The following EXOC4 variants were observed in gnomAD, a reference collection of about 807,000 sequenced individuals.
The protein encoded by EXOC4 is exocyst complex component 4.
A neutral mutation model predicts 107.2 loss-of-function variants in EXOC4; 71 were observed. The observed-to-expected ratio is 0.66, with a 90% CI of 0.55 to 0.81. The LOEUF (loss-of-function observed/expected upper bound fraction) is 0.81, where lower values mean the gene tolerates loss of function less well. Ranked by LOEUF, EXOC4 falls within the 30% of genes least tolerant of loss-of-function variation. The probability of loss-of-function intolerance (pLI) is 0.00; values close to 1 mark genes in which losing one functional copy is unlikely to be tolerated. For missense variants in EXOC4, 1,108 were observed against 1,189.6 expected, an observed-to-expected ratio of 0.93 and a Z score of 1.01; for synonymous variants, 456 against 441.2, an observed-to-expected ratio of 1.03 and a Z score of -0.42.
rs1186226758 is a variant in EXOC4, at chr7:133,564,339, G to A, written c.1418-65706G>A. Among the ~76,000 whole-genome samples the A allele has an allele frequency of 1.3e-5, 2 of 151,994 alleles. 1 individual carries two copies. Among genetic ancestry groups the A allele is most frequent in the South Asian group, 4.1e-4 (2 of 4,822 alleles). ...ACTTTCAAACAACCAAATCTCATGA[G>A]AACTCACTCACTATCATGAGAACAG... On this transcript the variant is annotated intron_variant, in intron 9 of 17. Coordinates refer to ENST00000253861, the MANE Select transcript of EXOC4 (RefSeq NM_021807.4).
chr7:133,909,514 A>T lies in EXOC4; in HGVS notation c.1872-8069A>T, dbSNP rs576532581. Among the ~76,000 whole-genome samples, 60 of 152,278 alleles carry T rather than the reference A, an allele frequency of 3.9e-4. No homozygotes were observed. The South Asian group carries it at 0.011, about 28-fold the overall frequency. Reference sequence around the variant, plus strand: ...AGAAAGGAGCAAGTCCGAAGATGGGAACTAGCTTGAATTCAGGTTAATGAG... The same window carrying T: ...AGAAAGGAGCAAGTCCGAAGATGGGTACTAGCTTGAATTCAGGTTAATGAG... On this transcript the variant is annotated intron_variant, in intron 12 of 17. Coordinates refer to ENST00000253861, the MANE Select transcript of EXOC4 (RefSeq NM_021807.4).
chr7:133,724,741 T>TA (rs1244267074), intron 10 of EXOC4, among the ~76,000 whole-genome samples: 1 of 152,076 alleles, frequency 6.6e-6, no homozygotes, highest in Non-Finnish European at 1.5e-5. Flanking sequence ...CCAAAAGAAA[T>TA]ATGGGAACGG....
intron 7 of EXOC4, among the ~76,000 whole-genome samples, chr7:133,411,522 A>ACATTTC (rs1797356006): frequency 6.6e-6 from 1 of 152,164 alleles, no homozygotes; most frequent in Non-Finnish European, 1.5e-5. Context: ...CGTTGAAAAG[A>ACATTTC]CATTTCCATT....
At chr7:134,053,248 AAAAAG>A (rs58702704) in intron 17 of EXOC4, among the ~76,000 whole-genome samples, 2,912 of 152,046 alleles carry the variant, frequency 0.019, 78 homozygotes, top group African/African-American at 0.06. Flanking sequence ...AAAAAAAAAA[AAAAAG>A]AAGAAGAATT....
chr7:133,577,692 C>T (rs1040817655), intron 9 of EXOC4, among the ~76,000 whole-genome samples: 3 of 152,062 alleles, frequency 2.0e-5, no homozygotes, highest in Non-Finnish European at 4.4e-5. Context: ...TCTAATTTAG[C>T]AATTATGATC....
chr7:134,039,135 G>T (rs1795456736), intron 17 of EXOC4, among the ~76,000 whole-genome samples: 1 of 152,118 alleles, frequency 6.6e-6, no homozygotes, highest in Non-Finnish European at 1.5e-5. Context: ...GTGAAAGATT[G>T]CTATATGAGG....
chr7:133,908,755 G>A (rs1482093871), intron 12 of EXOC4, among the ~76,000 whole-genome samples: 1 of 152,168 alleles, frequency 6.6e-6, no homozygotes, highest in Non-Finnish European at 1.5e-5. Context: ...GCTGCAATTG[G>A]TGTTTTGTAT....
intron 7 of EXOC4, among the ~76,000 whole-genome samples, chr7:133,399,271 A>G (rs1797037004): frequency 1.3e-5 from 2 of 152,174 alleles, no homozygotes; most frequent in South Asian, 2.1e-4. Context: ...CAGATTATAT[A>G]TATATCTTTG....
chr7:133,365,659 T>C (rs1796234722), intron 6 of EXOC4, among the ~76,000 whole-genome samples: 1 of 152,202 alleles, frequency 6.6e-6, no homozygotes, highest in African/African-American at 2.4e-5. Context: ...CCTTTTTACA[T>C]GAAGACTTAT....
intron 13 of EXOC4, among the ~76,000 whole-genome samples, chr7:133,919,090 A>G (rs1799877285): frequency 6.6e-6 from 1 of 152,154 alleles, no homozygotes; most frequent in South Asian, 2.1e-4. Context: ...TGATTCTTGA[A>G]AGTGCATGTG....
intron 17 of EXOC4, among the ~76,000 whole-genome samples, chr7:134,038,139 C>T (rs1287231313): frequency 1.3e-5 from 2 of 152,180 alleles, no homozygotes; most frequent in East Asian, 3.9e-4. Flanking sequence ...TAAGGAGTCG[C>T]AGTATCGATT....
chr7:133,294,453 G>T (rs374271876), intron 3 of EXOC4, among the ~76,000 whole-genome samples: 2 of 152,080 alleles, frequency 1.3e-5, no homozygotes, highest in South Asian at 4.1e-4. Flanking sequence ...CAGTCACAAG[G>T]CTTGTGACTA....
Position 133,802,177 on chromosome 7 carries a change from A to G in EXOC4, c.1515-15148A>G, listed in dbSNP as rs191553021. Among the ~76,000 whole-genome samples, 1,306 of 152,320 alleles carry G rather than the reference A, an allele frequency of 8.6e-3. 62 individuals are homozygous for G. Among genetic ancestry groups the G allele is most frequent in the Admixed American group, 0.079 (1,203 of 15,294 alleles). On this transcript the variant is annotated intron_variant, in intron 10 of 17. Coordinates refer to ENST00000253861, the MANE Select transcript of EXOC4 (RefSeq NM_021807.4). ...ATTAGGAACCAGATCTGGCTTCAAG[A>G]TACAGTCTGAAAGCTTGAGAATAGT...
intron 10 of EXOC4, among the ~76,000 whole-genome samples, chr7:133,707,626 T>G (rs1290363972): frequency 2.0e-5 from 3 of 151,220 alleles, no homozygotes; most frequent in Non-Finnish European, 4.4e-5. Context: ...TATTTATTTA[T>G]TTTTTTTGAG....
At chr7:133,477,740 A>C (rs190645186) in intron 8 of EXOC4, among the ~76,000 whole-genome samples, 23 of 152,342 alleles carry the variant, frequency 1.5e-4, no homozygotes, top group African/African-American at 5.3e-4. Flanking sequence ...CTGTCTTCTA[A>C]AGTGGCTGCA....
At chr7:133,696,010 C>A (rs1794525940) in intron 10 of EXOC4, among the ~76,000 whole-genome samples, 1 of 152,152 alleles carries the variant, frequency 6.6e-6, no homozygotes, top group Non-Finnish European at 1.5e-5. Flanking sequence ...TGTACTGCTT[C>A]TTAGGTCATT....
At chr7:133,563,996 G>A (rs1231790187) in intron 9 of EXOC4, among the ~76,000 whole-genome samples, 1 of 152,150 alleles carries the variant, frequency 6.6e-6, no homozygotes, top group Non-Finnish European at 1.5e-5. Flanking sequence ...TATTCTTGTT[G>A]ACATATGAGT....
At position 133,798,788 on chromosome 7, in the gene EXOC4, GACAAA is replaced by G. The variant is rs1311329859; in HGVS notation, c.1515-18535_1515-18531del. On this transcript the variant is annotated intron_variant, in intron 10 of 17. Coordinates refer to ENST00000253861, the MANE Select transcript of EXOC4 (RefSeq NM_021807.4). ...ACACTGTGTTAGGAACCATGAGAAA[GACAAA>G]AAAAAATAAAATAAAATAAAAGCAC... Among the ~76,000 whole-genome samples the G allele has an allele frequency of 2.0e-5, 3 of 151,884 alleles. 1 individual carries two copies. The highest frequency in any genetic ancestry group is 4.2e-4 in the South Asian group (2 of 4,810).
At chr7:134,012,109 C>G (rs1226264743) in intron 17 of EXOC4, among the ~76,000 whole-genome samples, 2 of 152,150 alleles carry the variant, frequency 1.3e-5, no homozygotes, top group African/African-American at 4.8e-5. Context: ...GAGCTGAGAT[C>G]TGGAAAGTCA....
Sources: gnomAD v4.1 joint callset for allele counts (sites outside exome capture counted in the v4.1 genomes callset) on GRCh38, gnomAD v4.1.1 for gene constraint, MANE v1.5 for transcripts, NCBI Gene and HGNC (gene_info 2026-07-23, HGNC 2026-07-21) for gene names.